ADAM22: variants seen among roughly 807,000 people sequenced by gnomAD.
ADAM22 encodes ADAM metallopeptidase domain 22.
Under a neutral mutation model 144.6 loss-of-function variants are expected in ADAM22, and 65 were observed. The observed-to-expected ratio is 0.45, with a 90% CI of 0.37 to 0.55. The LOEUF (loss-of-function observed/expected upper bound fraction) is 0.55. Among genes scored for constraint, ADAM22 ranks in the 20% least tolerant of loss-of-function variants. ADAM22 has a pLI of 0.00. For synonymous variants in ADAM22, 391 were observed against 412.6 expected, an observed-to-expected ratio of 0.95 and a Z score of 0.63; for missense variants, 974 against 1,184.9, an observed-to-expected ratio of 0.82 and a Z score of 2.61.
chr7:88,113,699 AATAAATATATATATATATATATAT>A (rs1158832591), intron 5 of ADAM22, among the ~76,000 whole-genome samples: 1 of 39,462 alleles, frequency 2.5e-5, no homozygotes, highest in Non-Finnish European at 4.5e-5. Flanking sequence ...TAAATAAATA[AATAAATATATATATATATATATAT>A]ATATATATAT....
At chr7:88,075,483 TGAGAGA>T in intron 3 of ADAM22, 137 bp from the exon 4 acceptor site, 1 of 481,346 alleles carries the variant, frequency 2.1e-6, no homozygotes, top group Non-Finnish European at 3.5e-6. Context: ...TGTGTGAGTG[TGAGAGA>T]GAGAGAGAGA....
intron 2 of ADAM22, among the ~76,000 whole-genome samples, chr7:87,967,106 C>G (rs1019543572): frequency 3.9e-5 from 6 of 152,136 alleles, no homozygotes; most frequent in African/African-American, 1.4e-4. Context: ...GTGTTTGCTT[C>G]CCCTTCTGCC....
rs542910461 is a variant in ADAM22 at position 88,149,296 on chromosome 7, G to A, written c.1566+239G>A. Among the ~76,000 whole-genome samples, 11 of 152,224 alleles carry A rather than the reference G, an allele frequency of 7.2e-5. No homozygotes were observed. The South Asian group carries it at 2.3e-3, about 32-fold the overall frequency. On this transcript the variant is annotated intron_variant, in intron 18 of 31. Coordinates refer to ENST00000413139, the MANE Select transcript of ADAM22 (RefSeq NM_001324418.2). ...TGCATGCCTTAACTATTTTGTTTTTGTATTAAGTAGGTAGTACAAGGCATT... is the reference window on the plus strand; with the variant it reads ...TGCATGCCTTAACTATTTTGTTTTTATATTAAGTAGGTAGTACAAGGCATT...
rs58099116 is a variant in ADAM22 at position 88,113,703 on chromosome 7, A to AATATATATATATAT, written c.474-857_474-844dup. ...TATATATATTATAAATAAATAAATAAATATATATATATATATATATATATA... is the reference window on the plus strand; with the variant it reads ...TATATATATTATAAATAAATAAATAAATATATATATATATATATATATATATATATATATATATA... On this transcript the variant is annotated intron_variant, in intron 5 of 31. Coordinates refer to ENST00000413139, the MANE Select transcript of ADAM22 (RefSeq NM_001324418.2). Among the ~76,000 whole-genome samples, 298 of 48,056 alleles carry AATATATATATATAT rather than the reference A, an allele frequency of 6.2e-3. 20 individuals carry two copies. The highest frequency in any genetic ancestry group is 0.014 in the East Asian group (10 of 718). The allele number at this position is 48,056 out of a possible 152,430, so 31.5% of individuals were successfully genotyped here. A position where few individuals can be genotyped will look rare whatever the true frequency, so the allele number is the denominator to read the frequency against.
At chr7:88,164,557 A>T (rs1334601161) in intron 23 of ADAM22, among the ~76,000 whole-genome samples, 1 of 152,070 alleles carries the variant, frequency 6.6e-6, no homozygotes, top group African/African-American at 2.4e-5. Flanking sequence ...GCTTGCAATC[A>T]TATAGCCTGG....
chr7:88,050,360 T>C (rs1259615395), intron 3 of ADAM22, among the ~76,000 whole-genome samples: 1 of 151,328 alleles, frequency 6.6e-6, no homozygotes. Context: ...GCTACTGCAC[T>C]GCACTCCAGC....
At chr7:88,104,099 A>G (rs1273397188) in intron 4 of ADAM22, among the ~76,000 whole-genome samples, 1 of 152,118 alleles carries the variant, frequency 6.6e-6, no homozygotes, top group African/African-American at 2.4e-5. Context: ...GACAGCAAAA[A>G]AGGAGATTAT....
intron 3 of ADAM22, among the ~76,000 whole-genome samples, chr7:87,985,003 C>CTT (rs112339670): frequency 1.4e-5 from 2 of 142,386 alleles, no homozygotes; most frequent in African/African-American, 2.6e-5. Flanking sequence ...CAATGAAAGT[C>CTT]TTTTTTTTTT....
chr7:88,051,561 G>C (rs113950098), intron 3 of ADAM22, among the ~76,000 whole-genome samples: 1 of 152,004 alleles, frequency 6.6e-6, no homozygotes, highest in Non-Finnish European at 1.5e-5. Flanking sequence ...TGGGGTGGGG[G>C]GAGGAGGGAG....
At chr7:88,016,774 G>A (rs1271695809) in intron 3 of ADAM22, among the ~76,000 whole-genome samples, 3 of 152,154 alleles carry the variant, frequency 2.0e-5, no homozygotes. Context: ...GATAGAGACT[G>A]AGAAAGGTAG....
At chr7:88,101,867 C>T (rs1161559360) in intron 4 of ADAM22, among the ~76,000 whole-genome samples, 1 of 152,192 alleles carries the variant, frequency 6.6e-6, no homozygotes, top group Non-Finnish European at 1.5e-5. Flanking sequence ...TTGGCTGAAT[C>T]ACAGGTGGGT....
intron 10 of ADAM22, among the ~76,000 whole-genome samples, 164 bp downstream of exon 10, chr7:88,130,623 T>C (rs1198907555): frequency 6.6e-6 from 1 of 152,162 alleles, no homozygotes; most frequent in Non-Finnish European, 1.5e-5. Flanking sequence ...TTGACTTTGA[T>C]GTCTGGCTGG....
At position 88,200,107 on chromosome 7, in the gene ADAM22, T is replaced by C. The variant is rs1851074672; in HGVS notation, c.*3616T>C. The C allele has an allele frequency of 2.6e-5, 4 of 152,356 alleles. No homozygotes were observed. In the South Asian group the frequency reaches 8.3e-4, roughly 32 times the overall value. The allele number at this position is 152,356 out of a possible 1,614,324, so 9.4% of individuals were successfully genotyped here. A position where few individuals can be genotyped will look rare whatever the true frequency, so the allele number is the denominator to read the frequency against. On this transcript the variant is annotated 3_prime_UTR_variant, in exon 32 of 32. Transcript: ENST00000413139. ...TTACCTTTTTTGGGATTTTGTTCTT[T>C]ATGTTTTACAGTTACCTTCGGACCA...
At chr7:88,186,489 T>G in intron 29 of ADAM22, 126 bp from the exon 30 acceptor site, 1 of 740,764 alleles carries the variant, frequency 1.3e-6, no homozygotes, top group Non-Finnish European at 2.4e-6. Context: ...CCAACATCCA[T>G]TCTGGTTTAT....
intron 15 of ADAM22, among the ~76,000 whole-genome samples, chr7:88,144,168 T>G (rs1835634011): frequency 6.6e-6 from 1 of 152,192 alleles, no homozygotes; most frequent in South Asian, 2.1e-4. Flanking sequence ...CTTTATTTTG[T>G]TGTTTTTTTC....
intron 4 of ADAM22, among the ~76,000 whole-genome samples, chr7:88,102,304 C>G (rs1328708551): frequency 6.6e-6 from 1 of 152,146 alleles, no homozygotes; most frequent in Non-Finnish European, 1.5e-5. Flanking sequence ...CTTGGAGATT[C>G]TGATTCAGCA....
intron 22 of ADAM22, among the ~76,000 whole-genome samples, chr7:88,159,098 A>G (rs974156918): frequency 3.9e-5 from 6 of 152,130 alleles, no homozygotes; most frequent in African/African-American, 1.4e-4. Context: ...CAGAAATACA[A>G]ACAATCATCA....
chr7:87,961,055 T>TA (rs1340044018), intron 2 of ADAM22, among the ~76,000 whole-genome samples: 5 of 151,916 alleles, frequency 3.3e-5, no homozygotes, highest in Non-Finnish European at 7.4e-5. Flanking sequence ...CTATGGAAAA[T>TA]AAAAAATATA....
chr7:87,952,459 TA>T (rs1845489672), intron 2 of ADAM22, among the ~76,000 whole-genome samples: 1 of 152,304 alleles, frequency 6.6e-6, no homozygotes, highest in African/African-American at 2.4e-5. Context: ...GATTTGCATA[TA>T]TTGAACCAGC....
Sources: allele counts gnomAD v4.1 joint callset (sites outside exome capture counted in the v4.1 genomes callset), GRCh38; gene constraint gnomAD v4.1.1; transcripts MANE v1.5; gene names NCBI Gene and HGNC (gene_info 2026-07-23, HGNC 2026-07-21).